SOX5: variants seen among roughly 807,000 people sequenced by gnomAD.
SOX5 encodes transcription factor SOX-5.
Under a neutral mutation model 92.0 loss-of-function variants are expected in SOX5, and 9 were observed. The observed-to-expected ratio is 0.10, with a 90% confidence interval of 0.06 to 0.17. The LOEUF is 0.17. SOX5 is among the 10% of genes least tolerant of loss of function. The pLI is 1.00. For missense variants in SOX5, 642 were observed against 944.5 expected (o/e 0.68, Z 4.20); for synonymous variants, 344 against 336.3 (o/e 1.02, Z -0.25).
intron 1 of SOX5, among the ~76,000 whole-genome samples, chr12:24,508,574 T>A (rs778255836): frequency 6.6e-6 from 1 of 152,180 alleles, no homozygotes; most frequent in African/African-American, 2.4e-5. Flanking sequence ...GCCCAGGGCA[T>A]CAGTCACAAC....
At chr12:24,076,120 A>G (rs746175232) in intron 4 of SOX5, among the ~76,000 whole-genome samples, 1 of 152,072 alleles carries the variant, frequency 6.6e-6, no homozygotes, top group Non-Finnish European at 1.5e-5. Context: ...CCCTTCTTAC[A>G]GCCCTCTCCA....
rs1371584663 is a variant in SOX5 at position 24,392,327 on chromosome 12, A to G, written c.-250-23688T>C. Among the ~76,000 whole-genome samples the G allele has an allele frequency of 3.3e-5, 5 of 152,280 alleles. No individual in the cohort carries two copies. In the South Asian group the frequency reaches 6.2e-4, roughly 19 times the overall value. On this transcript the variant is annotated intron_variant, in intron 1 of 4. Transcript: ENST00000446891. ...CTCTCCGACTTACAATGGGCTTCCC[A>G]TCACACTTAAGATTAAAATCCAAGT...
intron 1 of SOX5, among the ~76,000 whole-genome samples, chr12:23,942,658 CT>C (rs34315450): frequency 0.3 from 41,559 of 138,006 alleles, 6,191 homozygotes; most frequent in East Asian, 0.67. Flanking sequence ...GGCTCTGAGG[CT>C]TTTTTTTTTT....
At chr12:24,285,313 C>T (rs1195253914) in intron 2 of SOX5, among the ~76,000 whole-genome samples, 1 of 138,080 alleles carries the variant, frequency 7.2e-6, no homozygotes, top group Non-Finnish European at 1.5e-5. Flanking sequence ...AAGCATGGTA[C>T]CCTTTCAACA....
intron 1 of SOX5, among the ~76,000 whole-genome samples, chr12:24,435,661 T>G (rs888712306): frequency 1.3e-5 from 2 of 152,232 alleles, no homozygotes; most frequent in South Asian, 4.1e-4. Context: ...ATTAAACAAC[T>G]TGACAAGTGA....
chr12:24,402,593 G>A (rs1432090862), intron 1 of SOX5, among the ~76,000 whole-genome samples: 2 of 152,016 alleles, frequency 1.3e-5, no homozygotes. Context: ...ATACAATTTG[G>A]GGGCCCTTTT....
chr12:23,733,241 T>C (rs1279866592), intron 6 of SOX5, among the ~76,000 whole-genome samples: 1 of 152,196 alleles, frequency 6.6e-6, no homozygotes, highest in Non-Finnish European at 1.5e-5. Context: ...ATCAAGTGAC[T>C]ACCACATTGC....
chr12:24,101,951 C>T lies in SOX5; in HGVS notation c.-2+111392G>A, dbSNP rs376569670. Among the ~76,000 whole-genome samples the T allele has an allele frequency of 1.2e-4, 18 of 152,260 alleles. No individual in the cohort carries two copies. The East Asian group carries it at 2.3e-3, about 20-fold the overall frequency. ...GTTATCTTCCATTGAATGGGATTCT[C>T]ACAAGTTGAGAATAAATCTCTGCAG... On this transcript the variant is annotated intron_variant, in intron 4 of 4. Coordinates refer to the SOX5 transcript ENST00000446891.
intron 4 of SOX5, among the ~76,000 whole-genome samples, chr12:24,180,392 A>G (rs1282552327): frequency 1.3e-5 from 2 of 152,168 alleles, no homozygotes; most frequent in African/African-American, 2.4e-5. Flanking sequence ...CTAAATATAT[A>G]TATGTCTTGT....
In SOX5 at chr12:23,716,299, G is replaced by T. The variant is rs1403042046; in HGVS notation, c.810+18385C>A. Reference sequence around the variant, plus strand: ...TTATTAACAGAGGAAAAGAAAAAAAGAGAACTTTGGCATAGTTAATGATTT... The same window carrying T: ...TTATTAACAGAGGAAAAGAAAAAAATAGAACTTTGGCATAGTTAATGATTT... On this transcript the variant is annotated intron_variant, in intron 6 of 14. Coordinates refer to ENST00000451604, the MANE Select transcript of SOX5 (RefSeq NM_006940.6). 2.6e-5 allele frequency among the ~76,000 whole-genome samples: 4 copies of T among 152,186 alleles called. No homozygotes were observed. The East Asian group carries it at 7.7e-4, about 29-fold the overall frequency.
At chr12:24,329,095 A>G (rs1480889478) in intron 2 of SOX5, among the ~76,000 whole-genome samples, 1 of 152,232 alleles carries the variant, frequency 6.6e-6, no homozygotes, top group Non-Finnish European at 1.5e-5. Flanking sequence ...TCATATACTA[A>G]AATGCTACCA....
chr12:24,420,034 G>A (rs918540810), intron 1 of SOX5, among the ~76,000 whole-genome samples: 2 of 152,216 alleles, frequency 1.3e-5, no homozygotes, highest in Non-Finnish European at 2.9e-5. Flanking sequence ...TGATAGCTAA[G>A]AGATGATACT....
chr12:23,704,715 T>TATATACAC (rs1434949526), intron 6 of SOX5, among the ~76,000 whole-genome samples: 153 of 108,366 alleles, frequency 1.4e-3, no homozygotes, highest in African/African-American at 4.6e-3. Flanking sequence ...TATATATATA[T>TATATACAC]ACACACACAC....
rs34337302 is a variant in SOX5 at position 23,809,760 on chromosome 12, CTTTTT to C, written c.481+36218_481+36222del. On this transcript the variant is annotated intron_variant, in intron 3 of 14. Coordinates refer to ENST00000451604, the MANE Select transcript of SOX5 (RefSeq NM_006940.6). Reference sequence around the variant, plus strand: ...GGTTACATCAGTGACAAATGAAAGTCTTTTTTTTTTTTTTTTTTTGAAAGATTTGA... The same window carrying C: ...GGTTACATCAGTGACAAATGAAAGTCTTTTTTTTTTTTTTGAAAGATTTGA... 6.5e-3 allele frequency among the ~76,000 whole-genome samples: 863 copies of C among 133,306 alleles called. 4 individuals are homozygous for C. The highest frequency in any genetic ancestry group is 0.02 in the East Asian group (92 of 4,598). The allele number at this position is 133,306 out of a possible 152,430, so 87.5% of individuals were successfully genotyped here. A position where few individuals can be genotyped will look rare whatever the true frequency, so the allele number is the denominator to read the frequency against.
chr12:24,111,313 C>G (rs1593257883), intron 4 of SOX5, among the ~76,000 whole-genome samples: 1 of 152,292 alleles, frequency 6.6e-6, no homozygotes, highest in African/African-American at 2.4e-5. Context: ...CAGTCATCAT[C>G]TGTACTCATG....
chr12:24,010,894 A>C (rs1268904681), intron 4 of SOX5, among the ~76,000 whole-genome samples: 1 of 151,962 alleles, frequency 6.6e-6, no homozygotes, highest in African/African-American at 2.4e-5. Flanking sequence ...AGCCGAGATC[A>C]TGCCACTGCT....
intron 4 of SOX5, among the ~76,000 whole-genome samples, chr12:23,973,452 C>T (rs1452636656): frequency 6.6e-6 from 1 of 152,090 alleles, no homozygotes; most frequent in African/African-American, 2.4e-5. Flanking sequence ...AGCTGCGGTG[C>T]CCAGCCAGAA....
intron 4 of SOX5, among the ~76,000 whole-genome samples, chr12:24,172,002 T>C (rs1242094495): frequency 1.3e-5 from 2 of 151,918 alleles, no homozygotes; most frequent in Non-Finnish European, 2.9e-5. Context: ...AAAATGTGCA[T>C]AGATGCTAGA....
intron 4 of SOX5, among the ~76,000 whole-genome samples, chr12:23,994,265 CAAAAAT>C (rs1229297853): frequency 1.3e-5 from 2 of 151,766 alleles, no homozygotes; most frequent in Admixed American, 1.3e-4. Flanking sequence ...AGAAATAGAG[CAAAAAT>C]GAAGAACAGA....
Sources: allele counts gnomAD v4.1 joint callset (sites outside exome capture counted in the v4.1 genomes callset), GRCh38; gene constraint gnomAD v4.1.1; transcripts MANE v1.5; gene names NCBI Gene and HGNC (gene_info 2026-07-23, HGNC 2026-07-21).